The following CERT1 variants were observed in gnomAD, a reference collection of about 807,000 sequenced individuals.
CERT1 encodes the protein ceramide transfer protein.
In CERT1, 31 loss-of-function variants were observed where a neutral mutation model predicts 87.9. The ratio of observed to expected loss-of-function variants is 0.35; its 90% CI spans 0.27 to 0.48. The LOEUF is 0.48. CERT1 is among the 20% of genes least tolerant of loss of function. CERT1 has a pLI of 0.99. For synonymous variants in CERT1, 289 were observed against 250.9 expected (o/e 1.15, Z -1.44); for missense variants, 487 against 758.0 (o/e 0.64, Z 4.20).
At chr5:75,418,736 A>T (rs1763246460) in intron 6 of CERT1, among the ~76,000 whole-genome samples, 1 of 152,198 alleles carries the variant, frequency 6.6e-6, no homozygotes, top group Admixed American at 6.5e-5. Context: ...AAAAGAATAC[A>T]TACTGTATGA....
chr5:75,490,976 C>CAA (rs1336444645), intron 2 of CERT1, among the ~76,000 whole-genome samples: 7 of 152,070 alleles, frequency 4.6e-5, no homozygotes, highest in Non-Finnish European at 8.8e-5. Flanking sequence ...TTCTTATCTT[C>CAA]AAACCCAAGT....
chr5:75,449,004 C>T (rs539674646), intron 3 of CERT1, among the ~76,000 whole-genome samples: 11 of 152,246 alleles, frequency 7.2e-5, no homozygotes, highest in African/African-American at 2.6e-4. Context: ...ACTTGAAAAT[C>T]TGGTAAACTC....
chr5:75,428,313 A>AAACT (rs201698283), intron 3 of CERT1, among the ~76,000 whole-genome samples: 12,052 of 149,288 alleles, frequency 0.081, 568 homozygotes, highest in South Asian at 0.18. Context: ...CAATCAAAAA[A>AAACT]AACGTGCAAT....
intron 2 of CERT1, among the ~76,000 whole-genome samples, chr5:75,469,508 G>A (rs546068181): frequency 6.0e-4 from 91 of 152,086 alleles, no homozygotes; most frequent in African/African-American, 2.1e-3. Flanking sequence ...GGACAGTGTA[G>A]TAAAAAGAGT....
chr5:75,510,585 A>T (rs901406681), intron 1 of CERT1, among the ~76,000 whole-genome samples: 3 of 152,108 alleles, frequency 2.0e-5, no homozygotes, highest in African/African-American at 7.2e-5. Context: ...GGTGAGGGAG[A>T]AAGTCCTCCA....
chr5:75,371,033 G>A (rs1008665563), intron 17 of CERT1: 15 of 151,732 alleles, frequency 9.9e-5, no homozygotes, highest in African/African-American at 3.6e-4. Context: ...GAAGAACACT[G>A]AATTTCAAGC....
At chr5:75,504,357 C>T (rs1266347734) in intron 2 of CERT1, among the ~76,000 whole-genome samples, 2 of 152,128 alleles carry the variant, frequency 1.3e-5, no homozygotes, top group African/African-American at 4.8e-5. Context: ...TAAAAATTGT[C>T]TCTAAGAATA....
At chr5:75,465,489 T>G (rs937816590) in intron 2 of CERT1, among the ~76,000 whole-genome samples, 9 of 152,226 alleles carry the variant, frequency 5.9e-5, no homozygotes, top group African/African-American at 2.2e-4. Context: ...AATCAATCAG[T>G]GCTCTATATT....
At chr5:75,459,229 A>C in intron 2 of CERT1, 48 bp from the exon 3 acceptor site, 3 of 1,201,744 alleles carry the variant, frequency 2.5e-6, no homozygotes, top group Non-Finnish European at 3.7e-6. Flanking sequence ...TTATATCCTT[A>C]GAAGTGTTAC....
chr5:75,449,866 T>C (rs1561271516), intron 3 of CERT1, among the ~76,000 whole-genome samples: 1 of 152,188 alleles, frequency 6.6e-6, no homozygotes, highest in African/African-American at 2.4e-5. Flanking sequence ...TTCTGGCTTT[T>C]CCCCCCTTAA....
chr5:75,382,166 TA>T, intron 14 of CERT1, 89 bp from the exon 15 acceptor site: 2 of 1,250,152 alleles, frequency 1.6e-6, no homozygotes, highest in Non-Finnish European at 2.2e-6. Flanking sequence ...TAATTGAAGG[TA>T]AAATCTCTCA....
At chr5:75,457,966 TG>T in intron 3 of CERT1, among the ~76,000 whole-genome samples, 1 of 149,068 alleles carries the variant, frequency 6.7e-6, no homozygotes, top group Non-Finnish European at 1.5e-5. Context: ...AAAATGTGTG[TG>T]TGTGTGTGTG....
intron 1 of CERT1, among the ~76,000 whole-genome samples, chr5:75,508,900 T>A (rs1767784249): frequency 6.6e-6 from 1 of 152,012 alleles, no homozygotes; most frequent in African/African-American, 2.4e-5. Context: ...AGAAATTGAA[T>A]GAGATTATTT....
intron 3 of CERT1, among the ~76,000 whole-genome samples, chr5:75,445,192 C>T (rs1428775103): frequency 1.3e-5 from 2 of 152,198 alleles, no homozygotes; most frequent in Non-Finnish European, 2.9e-5. Flanking sequence ...TAATTGTGTT[C>T]TTAAACATGT....
At chr5:75,386,625 C>G (rs1761795841) in intron 12 of CERT1, among the ~76,000 whole-genome samples, 1 of 152,142 alleles carries the variant, frequency 6.6e-6, no homozygotes, top group Admixed American at 6.5e-5. Context: ...GATAAATACT[C>G]TTGAGAAATG....
chr5:75,384,541 T>C (rs1761709346), intron 14 of CERT1, 101 bp downstream of exon 14: 3 of 715,902 alleles, frequency 4.2e-6, no homozygotes, highest in Non-Finnish European at 7.1e-6. Context: ...CTTTGGATTT[T>C]TGTGGCTTTT....
At chr5:75,410,510 T>A (rs1762890515) in intron 8 of CERT1, among the ~76,000 whole-genome samples, 1 of 151,250 alleles carries the variant, frequency 6.6e-6, no homozygotes, top group Non-Finnish European at 1.5e-5. Flanking sequence ...CTAGGGCAGC[T>A]GAGGCAGGAG....
chr5:75,509,814 AAT>A (rs1767834268), intron 1 of CERT1, among the ~76,000 whole-genome samples: 1 of 152,202 alleles, frequency 6.6e-6, no homozygotes, highest in Admixed American at 6.5e-5. Flanking sequence ...CCTACTACAC[AAT>A]GTGTTCAATA....
intron 2 of CERT1, among the ~76,000 whole-genome samples, chr5:75,466,759 A>G (rs954055246): frequency 6.6e-6 from 1 of 152,206 alleles, no homozygotes; most frequent in African/African-American, 2.4e-5. Flanking sequence ...CCATACTTAC[A>G]GGTTCTGATA....
Sources: allele counts gnomAD v4.1 joint callset (sites outside exome capture counted in the v4.1 genomes callset), GRCh38; gene constraint gnomAD v4.1.1; transcripts MANE v1.5; gene names NCBI Gene and HGNC (gene_info 2026-07-23, HGNC 2026-07-21).